CABP1: variants seen among roughly 807,000 people sequenced by gnomAD.
CABP1 encodes calcium-binding protein 1.
CABP1 carries 17 observed loss-of-function variants against 34.3 expected under a neutral mutation model. The observed-to-expected ratio is 0.50, with a 90% CI of 0.34 to 0.74. The LOEUF (loss-of-function observed/expected upper bound fraction) is 0.74, where lower values mean the gene tolerates loss of function less well. Ranked by LOEUF, CABP1 falls within the 30% of genes least tolerant of loss-of-function variation. The pLI is 0.01. For missense variants in CABP1, 373 were observed against 511.1 expected, an observed-to-expected ratio of 0.73 and a Z score of 2.61; for synonymous variants, 198 against 229.2, an observed-to-expected ratio of 0.86 and a Z score of 1.23.
chr12:120,661,323 C>A lies in CABP1; in HGVS notation c.1087+105C>A. On this transcript the variant is annotated intron_variant, in intron 5 of 5. Coordinates refer to ENST00000316803, the MANE Select transcript of CABP1 (RefSeq NM_001033677.2). This position sits in a 1 kb window ranked among gnomAD's most constrained non-coding sequence, Gnocchi z 5.1. ...CAACCATCAATCCGCCCTAATTTTC[C>A]AACCCCCAGCCCTTTCATCCTCTTA... 7.4e-7 allele frequency: 1 copy of A among 1,347,952 alleles called. No individual in the cohort carries two copies. The allele number at this position is 1,347,952 out of a possible 1,614,324, so 83.5% of individuals were successfully genotyped here. A position where few individuals can be genotyped will look rare whatever the true frequency, so the allele number is the denominator to read the frequency against.
At chr12:120,669,887 G>T (rs1241448447), downstream of CABP1, among the ~76,000 whole-genome samples, 2 of 152,184 alleles carry the variant, frequency 1.3e-5, no homozygotes, top group African/African-American at 4.8e-5. Flanking sequence ...CTCCTCCCCT[G>T]CTGAAGCTAG....
At chr12:120,667,331 C>T (rs1056780329), downstream of CABP1, 5 of 218,676 alleles carry the variant, frequency 2.3e-5, no homozygotes, top group South Asian at 9.1e-5. Flanking sequence ...GCAAGACAGC[C>T]GTGATGGTCT....
intron 1 of CABP1, among the ~76,000 whole-genome samples, chr12:120,645,292 A>C (rs1460246342): frequency 6.6e-6 from 1 of 152,018 alleles, no homozygotes; most frequent in Non-Finnish European, 1.5e-5. Flanking sequence ...GGGGAGAGGG[A>C]AAGTGAGGGT....
intron 1 of CABP1, among the ~76,000 whole-genome samples, chr12:120,657,415 TGAG>T (rs1880298798): frequency 6.6e-6 from 1 of 152,160 alleles, no homozygotes; most frequent in African/African-American, 2.4e-5. Context: ...ATTTTACAGA[TGAG>T]GAGACTGTGG....
At chr12:120,651,990 A>C (rs926815831) in intron 1 of CABP1, among the ~76,000 whole-genome samples, 5 of 152,174 alleles carry the variant, frequency 3.3e-5, no homozygotes, top group Admixed American at 1.3e-4. Context: ...TGTCCCACCC[A>C]TCTTCCCTTA....
intron 1 of CABP1, among the ~76,000 whole-genome samples, chr12:120,656,622 G>A (rs569250577): frequency 1.8e-4 from 27 of 152,152 alleles, no homozygotes; most frequent in Non-Finnish European, 3.5e-4. Flanking sequence ...TGGGCTGGGC[G>A]CAGCGGCTCA....
intron 1 of CABP1, among the ~76,000 whole-genome samples, chr12:120,649,232 C>T (rs60775406): frequency 0.014 from 2,159 of 152,274 alleles, 59 homozygotes; most frequent in African/African-American, 0.049. Context: ...CGCCCCCACC[C>T]ATCTTCCTAA....
rs773679995 is a variant in CABP1, at chr12:120,660,740, A to G, written c.839A>G (p.His280Arg). 6.2e-6 allele frequency: 10 copies of G among 1,611,548 alleles called. No homozygotes were observed. The East Asian group carries it at 1.3e-4, about 22-fold the overall frequency. The change falls in exon 4 of 6, where the codon CAT becomes CGT. Residue 280 changes from histidine to arginine, a missense_variant. By Grantham distance (29) the His-to-Arg change is conservative. Around this residue, in one of 4 missense-constraint regions of CABP1, gnomAD observed 109 missense variants for 204.8 expected, o/e 0.53. Coordinates refer to ENST00000316803, the MANE Select transcript of CABP1 (RefSeq NM_001033677.2). This position sits in a 1 kb window ranked among gnomAD's most constrained non-coding sequence, Gnocchi z 5.0. ...SQQINMNLGG[H>R]VDFDDFVELM... Reference sequence around the variant, plus strand: ...TTTCCTCCTTTTCCAGTGGGTGGCCATGTAGATTTTGATGACTTCGTGGAG... The same window carrying G: ...TTTCCTCCTTTTCCAGTGGGTGGCCGTGTAGATTTTGATGACTTCGTGGAG...
downstream of CABP1, among the ~76,000 whole-genome samples, chr12:120,668,823 G>T (rs1015978838): frequency 6.6e-6 from 1 of 152,224 alleles, no homozygotes; most frequent in Non-Finnish European, 1.5e-5. Flanking sequence ...ACTTGGGCAG[G>T]TGTGTGGGGT....
At chr12:120,677,197 C>T in the CABP1 span, among the ~76,000 whole-genome samples, 1 of 150,662 alleles carries the variant, frequency 6.6e-6, no homozygotes, top group Non-Finnish European at 1.5e-5. Context: ...AAGCGACTCT[C>T]CTGCCTCAGC....
chr12:120,645,017 C>G (rs1423912334), intron 1 of CABP1, among the ~76,000 whole-genome samples: 2 of 152,210 alleles, frequency 1.3e-5, no homozygotes, highest in Non-Finnish European at 2.9e-5. Context: ...GTTGGCCAGG[C>G]TGGTCTCGAA....
chr12:120,641,129 G>T lies in CABP1; in HGVS notation c.444G>T (p.Ala148=). The change falls in exon 1 of 6, where the codon GCG becomes GCT. Residue 148 remains alanine (A), a synonymous_variant. Transcript: ENST00000316803. The surrounding 1 kb of genome is among the most constrained non-coding windows in gnomAD (Gnocchi z 6.7). ...AGGCGCACTGCAGGCCCCGGGAGGCGCTGCCGGCCGCGGCGTCCCGACCTT... is the reference window on the plus strand; with the variant it reads ...AGGCGCACTGCAGGCCCCGGGAGGCTCTGCCGGCCGCGGCGTCCCGACCTT... ...LPQAHCRPRE[A]LPAAASRPSP... 8.1e-7 allele frequency: 1 copy of T among 1,230,050 alleles called. No individual in the cohort carries two copies. Among genetic ancestry groups the T allele is most frequent in the East Asian group, 3.3e-5 (1 of 30,456 alleles). 76.2% of individuals were successfully genotyped at this position (1,230,050 alleles called of 1,614,324 possible).
chr12:120,665,668 G>A (rs1301484715), intron 5 of CABP1, among the ~76,000 whole-genome samples: 1 of 151,632 alleles, frequency 6.6e-6, no homozygotes, highest in Non-Finnish European at 1.5e-5. Flanking sequence ...AGGGGTTGCA[G>A]AAAAAAATCT....
rs1259880568 is a variant in CABP1 at position 120,640,640 on chromosome 12, A to G, written c.-46A>G. 2 of 1,104,336 alleles carry G rather than the reference A, an allele frequency of 1.8e-6. No individual in the cohort carries two copies. Among genetic ancestry groups the G allele is most frequent in the Admixed American group, 5.1e-5 (1 of 19,670 alleles). The allele number at this position is 1,104,336 out of a possible 1,614,324, so 68.4% of individuals were successfully genotyped here. A position where few individuals can be genotyped will look rare whatever the true frequency, so the allele number is the denominator to read the frequency against. ...GCAGCGCCCCCAGATCTGCACCGCC[A>G]GCCGCCGGGAGCTCCGGGCTCCGGG... On this transcript the variant is annotated 5_prime_UTR_variant, in exon 1 of 6. Transcript: ENST00000316803. The surrounding 1 kb of genome is among the most constrained non-coding windows in gnomAD (Gnocchi z 6.2).
intron 5 of CABP1, among the ~76,000 whole-genome samples, chr12:120,663,855 C>T (rs771260054): frequency 2.0e-5 from 3 of 152,188 alleles, no homozygotes; most frequent in African/African-American, 4.8e-5. Flanking sequence ...TTGTGCATGA[C>T]GCCATGTGAG....
At chr12:120,655,435 GA>G in intron 1 of CABP1, 1 of 678,580 alleles carries the variant, frequency 1.5e-6, no homozygotes. Context: ...AGCCACACAC[GA>G]AAAAGGAGGG....
At chr12:120,679,151 A>C in the CABP1 span, among the ~76,000 whole-genome samples, 1 of 152,102 alleles carries the variant, frequency 6.6e-6, no homozygotes, top group South Asian at 2.1e-4. Flanking sequence ...CAGTCCTACA[A>C]GGTGGGCACA....
At chr12:120,656,240 C>A in intron 1 of CABP1, 1 of 1,581,260 alleles carries the variant, frequency 6.3e-7, no homozygotes. Context: ...CTGCATTTTC[C>A]TGCGCAAGGG....
chr12:120,642,438 A>C (rs1437033590), intron 1 of CABP1, among the ~76,000 whole-genome samples: 1 of 151,978 alleles, frequency 6.6e-6, no homozygotes, highest in Non-Finnish European at 1.5e-5. Context: ...TCAAAATACT[A>C]CTCGGCAGTG....
Sources: allele counts gnomAD v4.1 joint callset (sites outside exome capture counted in the v4.1 genomes callset), GRCh38; gene constraint gnomAD v4.1.1; regional missense constraint gnomAD v4.1.1; non-coding constraint Gnocchi (gnomAD v3.1); transcripts MANE v1.5; gene names NCBI Gene and HGNC (gene_info 2026-07-23, HGNC 2026-07-21).